Variants in RBM5 observed in about 807,000 individuals in gnomAD.
RBM5 encodes RNA-binding protein 5.
In RBM5, 15 loss-of-function variants were observed where a neutral mutation model predicts 124.6. The observed-to-expected ratio is 0.12, with a 90% CI of 0.08 to 0.19. RBM5 has a LOEUF of 0.19. Ranked by LOEUF, RBM5 falls within the 10% of genes least tolerant of loss-of-function variation. The pLI is 1.00. For synonymous variants in RBM5, 337 were observed against 361.2 expected (o/e 0.93, Z 0.76); for missense variants, 580 against 1,026.5 (o/e 0.57, Z 5.94).
intron 10 of RBM5, 124 bp downstream of exon 10, chr3:50,105,833 T>C: frequency 9.9e-7 from 1 of 1,014,590 alleles, no homozygotes; most frequent in Non-Finnish European, 1.4e-6. Flanking sequence ...CTAATGACAG[T>C]TTTTGCACTG....
Position 50,100,433 on chromosome 3 carries a change from C to T in RBM5, c.410-99C>T. ...ATTTGTAAAGCTGCTTCCCAATTGG[C>T]TTTGTCACGCAGTGTTGAAGCAGTG... On this transcript the variant is annotated intron_variant, in intron 5 of 24. Coordinates refer to ENST00000347869, the MANE Select transcript of RBM5 (RefSeq NM_005778.4). This position sits in a 1 kb window ranked among gnomAD's most constrained non-coding sequence, Gnocchi z 5.1. 1 of 1,011,328 alleles carries T rather than the reference C, an allele frequency of 9.9e-7. No individual in the cohort carries two copies. The highest frequency in any genetic ancestry group is 1.5e-6 in the Non-Finnish European group (1 of 664,848). The allele number at this position is 1,011,328 out of a possible 1,614,324, so 62.6% of individuals were successfully genotyped here.
At chr3:50,109,770 G>T in intron 15 of RBM5, 82 bp downstream of exon 15, 4 of 1,127,324 alleles carry the variant, frequency 3.5e-6, no homozygotes, top group Non-Finnish European at 5.4e-6. Context: ...CTTTCCTGTT[G>T]TATGAGCCAG....
intron 8 of RBM5, 85 bp downstream of exon 8, chr3:50,104,393 T>G: frequency 7.6e-7 from 1 of 1,313,190 alleles, no homozygotes; most frequent in Non-Finnish European, 1.1e-6. Context: ...ATCCCACCAC[T>G]TTGCAAGGCC....
At position 50,110,489 on chromosome 3, in the gene RBM5, G is replaced by T; in HGVS notation, c.1363+26G>T. On this transcript the variant is annotated intron_variant, in intron 16 of 24. Coordinates refer to ENST00000347869, the MANE Select transcript of RBM5 (RefSeq NM_005778.4). ...GTAAGCCAAACCTCATGGGGCTGTT[G>T]ACAGTTGGAAGGTCTTAGTTGTTGT... The T allele has an allele frequency of 1.9e-6, 3 of 1,598,808 alleles. No individual in the cohort carries two copies. In the South Asian group the frequency reaches 3.3e-5, roughly 18 times the overall value.
chr3:50,109,695 C>T lies in RBM5; in HGVS notation c.1278+7C>T. On this transcript the variant is annotated splice_region_variant and intron_variant, in intron 15 of 24. Coordinates refer to ENST00000347869, the MANE Select transcript of RBM5 (RefSeq NM_005778.4). ...CAATCCACCTGGCTCTCCGGTAATC[C>T]TGTTGTCCTATATACAAAACTCGTG... 1 of 1,608,978 alleles carries T rather than the reference C, an allele frequency of 6.2e-7. No homozygotes were observed. The highest frequency in any genetic ancestry group is 2.2e-5 in the East Asian group (1 of 44,868).
At position 50,110,458 on chromosome 3, in the gene RBM5, A is replaced by G. The variant is rs1261846897; in HGVS notation, c.1358A>G (p.Lys453Arg). The G allele has an allele frequency of 2.5e-6, 4 of 1,613,740 alleles. No homozygotes were observed. The highest frequency in any genetic ancestry group is 1.3e-5 in the African/African-American group (1 of 75,034). ...ASPTGVVPGT[K>R]YAVPDTSTYQ... is the part of the protein sequence containing the mutation. ...CCTACTGGTGTAGTTCCTGGTACCA[A>G]ATATGGTAAGCCAAACCTCATGGGG... is the stretch of plus-strand genomic sequence containing the variant. Residue 453 changes from lysine to arginine, a missense_variant, in exon 16 of 25, where the codon AAA becomes AGA. This residue lies in a region of RBM5 where 104 missense variants were observed against 128.7 expected (regional missense o/e 0.81). Transcript: ENST00000347869.
intron 22 of RBM5, 64 bp downstream of exon 22, chr3:50,116,044 T>A: frequency 6.8e-7 from 1 of 1,462,342 alleles, no homozygotes; most frequent in Non-Finnish European, 9.6e-7. Flanking sequence ...CTTTTATTTG[T>A]AGCATTTAGT....
intron 21 of RBM5, 137 bp downstream of exon 21, chr3:50,115,744 G>A (rs1453830094): frequency 2.4e-5 from 30 of 1,235,914 alleles, no homozygotes; most frequent in Non-Finnish European, 3.3e-5. Flanking sequence ...CGATGACAGT[G>A]GACGGAGTCT....
chr3:50,104,704 A>G, intron 8 of RBM5: 1 of 268,938 alleles, frequency 3.7e-6, no homozygotes, highest in South Asian at 9.0e-5. Context: ...GAGGAAAAGT[A>G]TAGATTTTAG....
At chr3:50,113,323 T>G (rs2091182714) in intron 17 of RBM5, 60 bp from the exon 18 acceptor site, 1 of 1,523,724 alleles carries the variant, frequency 6.6e-7, no homozygotes, top group African/African-American at 1.4e-5. Flanking sequence ...TGACAAAATA[T>G]GTAATCGACT....
At position 50,104,244 on chromosome 3, in the gene RBM5, T is replaced by A; in HGVS notation, c.568-4T>A. ...ATAATTACAGATAAAACTTTTTTTTTCAGTGCTGCCTTAACAATTTCAGGA... is the reference window on the plus strand; with the variant it reads ...ATAATTACAGATAAAACTTTTTTTTACAGTGCTGCCTTAACAATTTCAGGA... On this transcript the variant is annotated splice_region_variant and splice_polypyrimidine_tract_variant and intron_variant, in intron 7 of 24. Transcript: ENST00000347869. The A allele has an allele frequency of 1.2e-6, 2 of 1,613,918 alleles. No homozygotes were observed. The highest frequency in any genetic ancestry group is 1.7e-6 in the Non-Finnish European group (2 of 1,179,804).
rs761965952 is a variant in RBM5 at position 50,117,404 on chromosome 3, T to C, written c.2322+25T>C. On this transcript the variant is annotated intron_variant, in intron 24 of 24. Transcript: ENST00000347869. This position sits in a 1 kb window ranked among gnomAD's most constrained non-coding sequence, Gnocchi z 4.2. Reference sequence around the variant, plus strand: ...GGTAAGCAGTGGGGTCAGGTCTTGATGTTTGCCAGGCTTACAGGCCGGTTC... The same window carrying C: ...GGTAAGCAGTGGGGTCAGGTCTTGACGTTTGCCAGGCTTACAGGCCGGTTC... 8 of 1,612,198 alleles carry C rather than the reference T, an allele frequency of 5.0e-6. No individual in the cohort carries two copies. Among genetic ancestry groups the C allele is most frequent in the Non-Finnish European group, 6.8e-6 (8 of 1,179,240 alleles).
chr3:50,109,263 C>T (rs760639930), intron 14 of RBM5, among the ~76,000 whole-genome samples: 7 of 152,204 alleles, frequency 4.6e-5, no homozygotes, highest in Non-Finnish European at 5.9e-5. Flanking sequence ...TTAGTAGAGA[C>T]GGGGTTTCAC....
chr3:50,115,917 C>T lies in RBM5; in HGVS notation c.2031C>T (p.Asp677=). The T allele has an allele frequency of 1.2e-6, 2 of 1,613,114 alleles. No homozygotes were observed. The highest frequency in any genetic ancestry group is 2.2e-5 in the East Asian group (1 of 44,866). The change falls in exon 22 of 25, where the codon GAC becomes GAT. Residue 677 remains aspartate, a synonymous_variant. Coordinates refer to ENST00000347869, the MANE Select transcript of RBM5 (RefSeq NM_005778.4). The part of the protein sequence containing the change: ...QLSDLHKQNM[D]IYRRSRLSEQ... ...AATCTTTTGTGTAGCAAAACATGGA[C>T]ATCTATCGACGATCCAGGCTGAGCG...
chr3:50,103,682 C>G (rs1324798401), intron 7 of RBM5, among the ~76,000 whole-genome samples: 2 of 152,084 alleles, frequency 1.3e-5, no homozygotes, highest in Non-Finnish European at 2.9e-5. Flanking sequence ...GATGCAGGTT[C>G]TAAGCCCAGT....
At chr3:50,118,137 T>A (rs902355376) in intron 24 of RBM5, 194 bp from the exon 25 acceptor site, 1 of 712,092 alleles carries the variant, frequency 1.4e-6, no homozygotes, top group African/African-American at 1.8e-5. Context: ...CATCTGCCTG[T>A]GTTCCGTAGC....
In RBM5 at chr3:50,114,161, C is replaced by A; in HGVS notation, c.1768-19C>A. The stretch of plus-strand genomic sequence containing the variant: ...CTTACCTAAAACTTGAGTCTCATGG[C>A]TTGTCCTCTGTTTCCCAGGGAGCCT... On this transcript the variant is annotated intron_variant, in intron 19 of 24. Transcript: ENST00000347869. The A allele has an allele frequency of 6.2e-7, 1 of 1,614,100 alleles. No homozygotes were observed. Among genetic ancestry groups the A allele is most frequent in the Non-Finnish European group, 8.5e-7 (1 of 1,180,010 alleles).
intron 24 of RBM5, 199 bp from the exon 25 acceptor site, chr3:50,118,132 G>C: frequency 1.5e-6 from 1 of 684,298 alleles, no homozygotes. Context: ...TGCTTCATCT[G>C]CCTGTGTTCC....
chr3:50,100,822 G>A lies in RBM5; in HGVS notation c.483+217G>A, dbSNP rs2108998139. 2 of 443,724 alleles carry A rather than the reference G, an allele frequency of 4.5e-6. No homozygotes were observed. The highest frequency in any genetic ancestry group is 5.9e-4 in the Middle Eastern group (1 of 1,704). The allele number at this position is 443,724 out of a possible 1,614,324, so 27.5% of individuals were successfully genotyped here. A position where few individuals can be genotyped will look rare whatever the true frequency, so the allele number is the denominator to read the frequency against. On this transcript the variant is annotated intron_variant, in intron 6 of 24. Transcript: ENST00000347869. This position sits in a 1 kb window ranked among gnomAD's most constrained non-coding sequence, Gnocchi z 5.1. ...TTAAACATGGCTACCTACCTGGCAG[G>A]GCTTTGTTAACTACTGAATACCTGT...
Sources: allele counts gnomAD v4.1 joint callset (sites outside exome capture counted in the v4.1 genomes callset), GRCh38; gene constraint gnomAD v4.1.1; regional missense constraint gnomAD v4.1.1; non-coding constraint Gnocchi (gnomAD v3.1); transcripts MANE v1.5; gene names NCBI Gene and HGNC (gene_info 2026-07-23, HGNC 2026-07-21).